The following LRRTM4 variants were observed in gnomAD, a reference collection of about 807,000 sequenced individuals.
LRRTM4 encodes leucine rich repeat transmembrane neuronal 4.
In LRRTM4, 25 loss-of-function variants were observed where a neutral mutation model predicts 47.6. That is an observed-to-expected ratio of 0.53 (90% CI 0.38 to 0.73). The LOEUF is 0.73. Ranked by LOEUF, LRRTM4 falls within the 30% of genes least tolerant of loss-of-function variation. LRRTM4 has a pLI of 0.00. For missense variants in LRRTM4, 638 were observed against 713.4 expected, an observed-to-expected ratio of 0.89 and a Z score of 1.20; for synonymous variants, 311 against 269.5, an observed-to-expected ratio of 1.15 and a Z score of -1.51.
At chr2:76,987,396 G>A (rs567700515) in intron 3 of LRRTM4, 8 of 151,724 alleles carry the variant, frequency 5.3e-5, no homozygotes, top group Non-Finnish European at 1.0e-4. Flanking sequence ...TATTCTCTTG[G>A]TAATATTAGG....
intron 3 of LRRTM4, among the ~76,000 whole-genome samples, chr2:77,019,315 A>G (rs1014701386): frequency 6.6e-6 from 1 of 151,214 alleles, no homozygotes; most frequent in Non-Finnish European, 1.5e-5. Context: ...CTGCTTACTG[A>G]TATCTTTGCC....
At chr2:76,809,264 C>G (rs1453265864) in intron 3 of LRRTM4, among the ~76,000 whole-genome samples, 4 of 152,138 alleles carry the variant, frequency 2.6e-5, no homozygotes, top group Non-Finnish European at 5.9e-5. Context: ...GTGTTGTAAG[C>G]TTTACACCTT....
At chr2:77,389,418 G>C (rs901887290) in intron 3 of LRRTM4, among the ~76,000 whole-genome samples, 19 of 152,110 alleles carry the variant, frequency 1.2e-4, no homozygotes, top group African/African-American at 3.9e-4. Context: ...TGATAAGGTA[G>C]AACAGTTAAA....
intron 3 of LRRTM4, among the ~76,000 whole-genome samples, chr2:77,103,064 G>A (rs1670999403): frequency 6.6e-6 from 1 of 152,004 alleles, no homozygotes; most frequent in African/African-American, 2.4e-5. Flanking sequence ...ACAAAGTTGG[G>A]CCCCAATATT....
rs373196183 is a variant in LRRTM4 at position 77,396,376 on chromosome 2, T to C, written c.1551+121942A>G. On this transcript the variant is annotated intron_variant, in intron 3 of 3. Coordinates refer to ENST00000409884, the MANE Select transcript of LRRTM4 (RefSeq NM_001134745.3). ...AGCTTGTATTCTAGCAATTTAGGCA[T>C]GTTTTTTTATCTCTGCTAAGGTTTT... 3.6e-4 allele frequency among the ~76,000 whole-genome samples: 54 copies of C among 152,038 alleles called. 1 individual carries two copies. In the South Asian group the frequency reaches 0.011, roughly 32 times the overall value.
At chr2:77,515,496 C>T (rs1004677889) in intron 3 of LRRTM4, among the ~76,000 whole-genome samples, 1 of 151,580 alleles carries the variant, frequency 6.6e-6, no homozygotes, top group Non-Finnish European at 1.5e-5. Flanking sequence ...TAATTTAATG[C>T]AATTTTTATT....
chr2:77,328,717 G>A (rs1006610612), intron 3 of LRRTM4, among the ~76,000 whole-genome samples: 2 of 152,172 alleles, frequency 1.3e-5, no homozygotes, highest in African/African-American at 4.8e-5. Context: ...GTTGGGAGAA[G>A]TTACACAGGA....
intron 3 of LRRTM4, among the ~76,000 whole-genome samples, chr2:77,446,152 T>C (rs142767072): frequency 0.013 from 2,024 of 152,174 alleles, 36 homozygotes; most frequent in African/African-American, 0.047. Context: ...CAACATGTAA[T>C]AGGCAATCTG....
intron 3 of LRRTM4, among the ~76,000 whole-genome samples, chr2:77,196,295 C>T (rs1339549892): frequency 6.6e-6 from 1 of 152,064 alleles, no homozygotes; most frequent in Admixed American, 6.6e-5. Context: ...TATTCTTAAA[C>T]ATTTATCATT....
At chr2:76,771,641 GAAA>G (rs748214529) in intron 3 of LRRTM4, among the ~76,000 whole-genome samples, 1,449 of 69,710 alleles carry the variant, frequency 0.021, 12 homozygotes, top group Non-Finnish European at 0.032. Flanking sequence ...CAGGTGAACA[GAAA>G]AAAAAAAAAA....
intron 3 of LRRTM4, among the ~76,000 whole-genome samples, chr2:76,974,461 A>G (rs768843736): frequency 1.7e-4 from 26 of 151,058 alleles, no homozygotes; most frequent in African/African-American, 2.4e-4. Context: ...GGAACATTTT[A>G]TAATATTAAC....
intron 3 of LRRTM4, among the ~76,000 whole-genome samples, chr2:77,456,250 A>T (rs145947041): frequency 5.3e-5 from 8 of 152,278 alleles, no homozygotes; most frequent in South Asian, 2.1e-4. Flanking sequence ...TACCCTAAAA[A>T]TTCTCTGAAA....
chr2:77,118,781 T>A (rs941301915), intron 3 of LRRTM4, among the ~76,000 whole-genome samples: 1 of 151,832 alleles, frequency 6.6e-6, no homozygotes, highest in Non-Finnish European at 1.5e-5. Context: ...AGGCATCCAT[T>A]TTTCACCTTT....
chr2:77,360,471 CGATAT>C (rs1384833595), intron 3 of LRRTM4, among the ~76,000 whole-genome samples: 89 of 126,586 alleles, frequency 7.0e-4, no homozygotes, highest in African/African-American at 1.9e-3. Context: ...AAATACAATA[CGATAT>C]GATACGATAC....
chr2:77,186,087 G>A (rs1209851973), intron 3 of LRRTM4, among the ~76,000 whole-genome samples: 2 of 152,124 alleles, frequency 1.3e-5, no homozygotes, highest in Non-Finnish European at 2.9e-5. Flanking sequence ...TATATTCATT[G>A]TTTTTCATCT....
At chr2:77,250,834 T>G (rs1372981945) in intron 3 of LRRTM4, among the ~76,000 whole-genome samples, 1 of 152,130 alleles carries the variant, frequency 6.6e-6, no homozygotes, top group Non-Finnish European at 1.5e-5. Context: ...CCGGGCGTGA[T>G]GGCTCACGCC....
chr2:77,386,222 C>A (rs1484841272), intron 3 of LRRTM4, among the ~76,000 whole-genome samples: 2 of 152,108 alleles, frequency 1.3e-5, no homozygotes, highest in Non-Finnish European at 2.9e-5. Context: ...GATGCATAAG[C>A]TTTCTAACAC....
chr2:77,323,146 G>C (rs547078649), intron 3 of LRRTM4, among the ~76,000 whole-genome samples: 73 of 152,096 alleles, frequency 4.8e-4, no homozygotes, highest in African/African-American at 1.7e-3. Flanking sequence ...CCAGTGGGCA[G>C]TCACCCAGAC....
At chr2:77,023,840 C>A (rs576545753) in intron 3 of LRRTM4, among the ~76,000 whole-genome samples, 2 of 152,280 alleles carry the variant, frequency 1.3e-5, no homozygotes, top group South Asian at 4.1e-4. Flanking sequence ...TATCCAGTTC[C>A]AAAGTCACTT....
Sources: allele counts gnomAD v4.1 joint callset (sites outside exome capture counted in the v4.1 genomes callset), GRCh38; gene constraint gnomAD v4.1.1; transcripts MANE v1.5; gene names NCBI Gene and HGNC (gene_info 2026-07-23, HGNC 2026-07-21).